IMPG1: variants seen among roughly 807,000 people sequenced by gnomAD.
The protein encoded by IMPG1 is interphotoreceptor matrix proteoglycan of 150 kDa.
A neutral mutation model predicts 92.0 loss-of-function variants in IMPG1; 85 were observed. That is an observed-to-expected ratio of 0.92 (90% CI 0.78 to 1.11). The LOEUF is 1.11. Ranked by LOEUF, IMPG1 falls within the 50% of genes least tolerant of loss-of-function variation. The pLI is 0.00. For missense variants in IMPG1, 1,022 were observed against 956.0 expected (o/e 1.07, Z -0.91); for synonymous variants, 367 against 334.1 (o/e 1.10, Z -1.08).
chr6:76,015,800 C>CAAAAAAAA (rs35389302), intron 7 of IMPG1, among the ~76,000 whole-genome samples: 7 of 66,718 alleles, frequency 1.0e-4, no homozygotes, highest in Non-Finnish European at 1.3e-4. Context: ...AACTCTGTCT[C>CAAAAAAAA]AAAAAAAAAA....
intron 16 of IMPG1, among the ~76,000 whole-genome samples, chr6:75,922,603 T>C (rs570918630): frequency 1.3e-5 from 2 of 152,352 alleles, no homozygotes; most frequent in African/African-American, 4.8e-5. Context: ...GTTTACTTCC[T>C]ACTGTGAAAA....
chr6:75,955,243 G>T (rs1361796082), intron 12 of IMPG1, among the ~76,000 whole-genome samples: 1 of 152,172 alleles, frequency 6.6e-6, no homozygotes, highest in Non-Finnish European at 1.5e-5. Context: ...TCCTATCCAT[G>T]AGAATGGAAT....
intron 1 of IMPG1, among the ~76,000 whole-genome samples, chr6:76,070,873 A>T (rs116680287): frequency 1.9e-3 from 287 of 152,170 alleles, no homozygotes; most frequent in African/African-American, 6.7e-3. Context: ...AGTACAATGT[A>T]CCCTATTCAG....
At chr6:76,042,821 A>C (rs1783869060) in intron 1 of IMPG1, among the ~76,000 whole-genome samples, 1 of 152,176 alleles carries the variant, frequency 6.6e-6, no homozygotes, top group African/African-American at 2.4e-5. Context: ...CATGGCTGGT[A>C]TCTATTAGGG....
chr6:75,923,290 A>G (rs1011335374), intron 16 of IMPG1, among the ~76,000 whole-genome samples: 4 of 152,080 alleles, frequency 2.6e-5, no homozygotes, highest in Admixed American at 2.0e-4. Context: ...AATTGAAAGT[A>G]TATAAAATTA....
intron 12 of IMPG1, among the ~76,000 whole-genome samples, chr6:75,974,393 T>TTCTTTCCTTCC (rs1313714060): frequency 7.7e-5 from 5 of 65,032 alleles, no homozygotes; most frequent in African/African-American, 2.9e-4. Flanking sequence ...CTTTCTTTCT[T>TTCTTTCCTTCC]TTCTTTCTTT....
At chr6:75,927,428 T>A (rs1353983399) in intron 15 of IMPG1, among the ~76,000 whole-genome samples, 1 of 152,074 alleles carries the variant, frequency 6.6e-6, no homozygotes, top group Non-Finnish European at 1.5e-5. Context: ...CTTATATAAA[T>A]AAATTTCATC....
At chr6:75,974,392 T>TTTCTTTCTTTCTTTCTTTTC (rs1554230326) in intron 12 of IMPG1, among the ~76,000 whole-genome samples, 1 of 59,534 alleles carries the variant, frequency 1.7e-5, no homozygotes, top group Admixed American at 2.1e-4. Context: ...TCTTTCTTTC[T>TTTCTTTCTTTCTTTCTTTTC]TTTCTTTCTT....
At chr6:75,937,864 T>G (rs1781773791) in intron 14 of IMPG1, among the ~76,000 whole-genome samples, 1 of 152,202 alleles carries the variant, frequency 6.6e-6, no homozygotes, top group Non-Finnish European at 1.5e-5. Context: ...GGAGGCTTCT[T>G]AGGAATTCAA....
At chr6:75,979,248 G>A (rs1782588687) in intron 12 of IMPG1, among the ~76,000 whole-genome samples, 1 of 152,098 alleles carries the variant, frequency 6.6e-6, no homozygotes, top group Admixed American at 6.6e-5. Flanking sequence ...TAGTATCAGT[G>A]ATGAGGTCCT....
At chr6:75,928,130 A>G (rs1205110491) in intron 15 of IMPG1, among the ~76,000 whole-genome samples, 1 of 152,016 alleles carries the variant, frequency 6.6e-6, no homozygotes, top group Non-Finnish European at 1.5e-5. Flanking sequence ...GCCGCATGCA[A>G]CCCTCTTCTT....
chr6:76,022,477 C>T (rs1028000295), intron 5 of IMPG1, among the ~76,000 whole-genome samples: 1 of 152,068 alleles, frequency 6.6e-6, no homozygotes, highest in Non-Finnish European at 1.5e-5. Context: ...AATGCTTTTG[C>T]CAGATGAGAC....
chr6:75,938,548 C>T (rs1475721363), intron 14 of IMPG1, among the ~76,000 whole-genome samples: 3 of 152,202 alleles, frequency 2.0e-5, no homozygotes, highest in Non-Finnish European at 4.4e-5. Context: ...TGTGGTGGCT[C>T]ATGCCTGTAA....
In IMPG1 at chr6:76,003,039, T is replaced by C. The variant is rs762619388; in HGVS notation, c.1213-43A>G. 13 of 1,424,054 alleles carry C rather than the reference T, an allele frequency of 9.1e-6. No homozygotes were observed. The South Asian group carries it at 1.5e-4, about 16-fold the overall frequency. 88.2% of individuals were successfully genotyped at this position (1,424,054 alleles called of 1,614,324 possible). A position where few individuals can be genotyped will look rare whatever the true frequency, so the allele number is the denominator to read the frequency against. On this transcript the variant is annotated intron_variant, in intron 11 of 16. Coordinates refer to ENST00000369950, the MANE Select transcript of IMPG1 (RefSeq NM_001563.4). The stretch of plus-strand genomic sequence containing the variant: ...CAAGACAGATGTTGAGAAAGGATGT[T>C]TGTATGTATATGAGAAGGGCTATAC...
At chr6:75,946,187 C>T (rs1024803134) in intron 14 of IMPG1, among the ~76,000 whole-genome samples, 7 of 152,222 alleles carry the variant, frequency 4.6e-5, no homozygotes, top group African/African-American at 1.2e-4. Flanking sequence ...TACTCAGCTG[C>T]TCCTGTTTAG....
intron 12 of IMPG1, among the ~76,000 whole-genome samples, chr6:75,960,419 T>G (rs1782196788): frequency 6.6e-6 from 1 of 152,244 alleles, no homozygotes; most frequent in South Asian, 2.1e-4. Flanking sequence ...AGGAACAATT[T>G]GCTATTTAAT....
At chr6:75,946,326 C>A (rs1213325659) in intron 14 of IMPG1, among the ~76,000 whole-genome samples, 1 of 152,230 alleles carries the variant, frequency 6.6e-6, no homozygotes, top group African/African-American at 2.4e-5. Flanking sequence ...ATGTCTCCCA[C>A]TGAGCCTTTT....
At chr6:76,063,451 T>A (rs900046886) in intron 1 of IMPG1, among the ~76,000 whole-genome samples, 20 of 152,158 alleles carry the variant, frequency 1.3e-4, no homozygotes, top group African/African-American at 4.8e-4. Flanking sequence ...GGAGTGTTTT[T>A]GTTTCTCCTT....
chr6:75,990,224 G>C (rs1450962776), intron 12 of IMPG1, among the ~76,000 whole-genome samples: 1 of 152,148 alleles, frequency 6.6e-6, no homozygotes, highest in East Asian at 1.9e-4. Context: ...ACTTGTTCCA[G>C]CATTTCAAAT....
Sources: allele counts gnomAD v4.1 joint callset (sites outside exome capture counted in the v4.1 genomes callset), GRCh38; gene constraint gnomAD v4.1.1; transcripts MANE v1.5; gene names NCBI Gene and HGNC (gene_info 2026-07-23, HGNC 2026-07-21).